NHS: variants seen among roughly 807,000 people sequenced by gnomAD.
The protein encoded by NHS is NHS actin remodeling regulator, also known as actin remodeling regulator NHS.
Under a neutral mutation model 72.5 loss-of-function variants are expected in NHS, and 5 were observed. The observed-to-expected ratio is 0.07, with a 90% confidence interval of 0.04 to 0.14. The LOEUF (loss-of-function observed/expected upper bound fraction) is 0.14. NHS is among the 10% of genes least tolerant of loss of function. NHS has a pLI of 1.00. For synonymous variants in NHS, 464 were observed against 547.7 expected (o/e 0.85, Z 2.13); for missense variants, 1,072 against 1,355.7 (o/e 0.79, Z 3.29).
At chrX:17,409,253 A>G (rs2064545318) in intron 1 of NHS, among the ~76,000 whole-genome samples, 2 of 112,460 alleles carry the variant, frequency 1.8e-5, no homozygotes, top group Admixed American at 1.9e-4. Flanking sequence ...TAGACTATTC[A>G]TGTTAAAAAG....
intron 1 of NHS, among the ~76,000 whole-genome samples, chrX:17,520,111 T>C (rs1036040625): frequency 1.8e-5 from 2 of 111,682 alleles, no homozygotes; most frequent in Admixed American, 9.5e-5. Context: ...TGTGAATTTA[T>C]GGGAAACCTC....
At chrX:17,674,374 T>A (rs1333603748) in intron 1 of NHS, among the ~76,000 whole-genome samples, 1 of 112,533 alleles carries the variant, frequency 8.9e-6, no homozygotes, top group Non-Finnish European at 1.9e-5. Flanking sequence ...CTTGAGCGAT[T>A]ATTGAGTTTT....
At chrX:17,455,592 G>A (rs766894943) in intron 1 of NHS, among the ~76,000 whole-genome samples, 18 of 112,140 alleles carry the variant, frequency 1.6e-4, no homozygotes, top group East Asian at 8.4e-4. Context: ...AACCCAAAGC[G>A]CATGCCCTCA....
At chrX:17,392,017 G>A (rs958459569) in intron 1 of NHS, among the ~76,000 whole-genome samples, 1 of 111,993 alleles carries the variant, frequency 8.9e-6, no homozygotes, top group Non-Finnish European at 1.9e-5. Flanking sequence ...TGGGTGCATG[G>A]CTAGACTACA....
chrX:17,726,823 T>C lies in NHS; in HGVS notation c.2717T>C (p.Leu906Pro). The C allele has an allele frequency of 1.7e-6, 2 of 1,211,779 alleles. No homozygotes were observed. The highest frequency in any genetic ancestry group is 2.2e-6 in the Non-Finnish European group (2 of 895,541). ...NTPSRMENAN[L>P]PTKQEPSWIN... ...CCTTCTCGAATGGAAAACGCCAATC[T>C]TCCCACCAAGCAGGAACCTTCTTGG... The change falls in exon 7 of 9, where the codon CTT (leucine) becomes CCT (proline). Residue 906 changes from leucine (L) to proline (P), a missense_variant. Transcript: ENST00000676302.
chrX:17,543,504 T>C (rs755089852), intron 1 of NHS, among the ~76,000 whole-genome samples: 1 of 112,043 alleles, frequency 8.9e-6, no homozygotes, highest in East Asian at 2.8e-4. Context: ...CACAGATAAG[T>C]ATGGGTTCCT....
chrX:17,733,414 T>C lies in NHS; in HGVS notation c.*950T>C, dbSNP rs764587322. 1 of 112,193 alleles carries C rather than the reference T, an allele frequency of 8.9e-6. No homozygotes were observed. The highest frequency in any genetic ancestry group is 2.8e-4 in the East Asian group (1 of 3,579). 9.2% of individuals were successfully genotyped at this position (112,193 alleles called of 1,213,427 possible). A position where few individuals can be genotyped will look rare whatever the true frequency, so the allele number is the denominator to read the frequency against. ...TTTCAATGGATTGCTTTAAAGAGAA[T>C]GAGTAGGGAAAATAGTAGTTAATTT... On this transcript the variant is annotated 3_prime_UTR_variant, in exon 9 of 9. Transcript: ENST00000676302.
At chrX:17,434,257 T>C (rs1380214127) in intron 1 of NHS, among the ~76,000 whole-genome samples, 1 of 111,375 alleles carries the variant, frequency 9.0e-6, no homozygotes, top group African/African-American at 3.3e-5. Context: ...GCAAATGGTT[T>C]GGTGGAAAAC....
chrX:17,405,515 G>A lies in NHS; in HGVS notation c.565+29193G>A, dbSNP rs867963919. Among the ~76,000 whole-genome samples, 3 of 112,320 alleles carry A rather than the reference G, an allele frequency of 2.7e-5. No homozygotes were observed. The Middle Eastern group carries it at 0.014, about 520-fold the overall frequency. On this transcript the variant is annotated intron_variant, in intron 1 of 8. Transcript: ENST00000676302. The stretch of plus-strand genomic sequence containing the variant: ...AATCACAGTGGATTTCAGGGCTCTG[G>A]GCACCTTGGAAGGGTTACGGATAAT...
At chrX:17,511,932 G>A (rs548354852) in intron 1 of NHS, among the ~76,000 whole-genome samples, 1 of 111,571 alleles carries the variant, frequency 9.0e-6, no homozygotes, top group East Asian at 2.8e-4. Context: ...AGGAGTTGGT[G>A]TATAAATACC....
chrX:17,561,189 C>T (rs16980622), intron 1 of NHS, among the ~76,000 whole-genome samples: 5,777 of 112,314 alleles, frequency 0.051, 365 homozygotes, highest in African/African-American at 0.17. Flanking sequence ...TAAGTTCCCT[C>T]GAATTTCCCA....
At chrX:17,460,121 T>G (rs1448467064) in intron 1 of NHS, among the ~76,000 whole-genome samples, 1 of 111,423 alleles carries the variant, frequency 9.0e-6, no homozygotes, top group Non-Finnish European at 1.9e-5. Context: ...GGAACACTGT[T>G]ATACCCACAT....
intron 1 of NHS, among the ~76,000 whole-genome samples, chrX:17,666,682 GCAGGATAAAAAACTGGATTCAT>G (rs1236509090): frequency 8.9e-6 from 1 of 112,691 alleles, no homozygotes; most frequent in African/African-American, 3.2e-5. Context: ...GAATGAGCAG[GCAGGATAAAAAACTGGATTCAT>G]CAGGATAGGA....
intron 1 of NHS, among the ~76,000 whole-genome samples, chrX:17,609,602 G>A (rs1013401954): frequency 8.9e-6 from 1 of 112,142 alleles, no homozygotes; most frequent in African/African-American, 3.2e-5. Flanking sequence ...AGGCAAGACA[G>A]TTTATGTTAG....
In NHS at chrX:17,375,820, C is replaced by T. The variant is rs1435156319; in HGVS notation, c.63C>T (p.Pro21=). ...TGTGCAGGCAGCGGCGCCCTGCGCC[C>T]GGCCCAGCAGTGGACGCGAGCGGAG... The part of the protein sequence containing the change: ...QWLCRQRRPA[P]GPAVDASGGS... The change falls in exon 1 of 9, where the codon CCC becomes CCT. Residue 21 remains proline, a synonymous_variant. Transcript: ENST00000676302. 9 of 1,151,690 alleles carry T rather than the reference C, an allele frequency of 7.8e-6. No individual in the cohort carries two copies. In the South Asian group the frequency reaches 1.1e-4, roughly 15 times the overall value. The allele number at this position is 1,151,690 out of a possible 1,213,427, so 94.9% of individuals were successfully genotyped here. A position where few individuals can be genotyped will look rare whatever the true frequency, so the allele number is the denominator to read the frequency against.
intron 1 of NHS, among the ~76,000 whole-genome samples, chrX:17,554,764 T>C (rs756963798): frequency 8.9e-5 from 10 of 112,576 alleles, no homozygotes; most frequent in Non-Finnish European, 1.5e-4. Flanking sequence ...ACTGTATTTG[T>C]CTCCAAGAGT....
chrX:17,692,734 A>G (rs1380712000), intron 3 of NHS, among the ~76,000 whole-genome samples: 1 of 111,304 alleles, frequency 9.0e-6, no homozygotes, highest in Admixed American at 9.6e-5. Flanking sequence ...AAAAAAATAC[A>G]TACTTCAAAC....
intron 1 of NHS, among the ~76,000 whole-genome samples, chrX:17,464,967 C>G (rs765216277): frequency 2.7e-5 from 3 of 112,297 alleles, no homozygotes; most frequent in African/African-American, 6.5e-5. Context: ...CTCTGATGCT[C>G]TAGCTGGCAA....
At chrX:17,481,686 T>G (rs939742450) in intron 1 of NHS, among the ~76,000 whole-genome samples, 10 of 111,520 alleles carry the variant, frequency 9.0e-5, no homozygotes, top group African/African-American at 2.9e-4. Flanking sequence ...ATAACTACAA[T>G]TATAACCCTG....
Sources: gnomAD v4.1 joint callset for allele counts (sites outside exome capture counted in the v4.1 genomes callset) on GRCh38, gnomAD v4.1.1 for gene constraint, MANE v1.5 for transcripts, NCBI Gene and HGNC (gene_info 2026-07-23, HGNC 2026-07-21) for gene names.